The following ADAMTS3 variants were observed in gnomAD, a reference collection of about 807,000 sequenced individuals.
ADAMTS3 encodes the protein A disintegrin and metalloproteinase with thrombospondin motifs 3.
In ADAMTS3, 73 loss-of-function variants were observed where a neutral mutation model predicts 129.0. That is an observed-to-expected ratio of 0.57 (90% confidence interval 0.47 to 0.69). The LOEUF (loss-of-function observed/expected upper bound fraction) is 0.69, where lower values mean the gene tolerates loss of function less well. Among genes scored for constraint, ADAMTS3 ranks in the 30% least tolerant of loss-of-function variants. The pLI, the probability that ADAMTS3 is intolerant of heterozygous loss-of-function variation, is 0.00. For missense variants in ADAMTS3, 1,457 were observed against 1,514.5 expected, an observed-to-expected ratio of 0.96 and a Z score of 0.63; for synonymous variants, 477 against 510.8, an observed-to-expected ratio of 0.93 and a Z score of 0.89.
chr4:72,402,369 G>T (rs972711445), intron 4 of ADAMTS3, among the ~76,000 whole-genome samples: 2 of 152,126 alleles, frequency 1.3e-5, no homozygotes, highest in African/African-American at 4.8e-5. Context: ...TGATGAAAGA[G>T]CATATACTGA....
At chr4:72,421,709 G>C (rs562569394) in intron 3 of ADAMTS3, among the ~76,000 whole-genome samples, 4 of 152,296 alleles carry the variant, frequency 2.6e-5, no homozygotes, top group African/African-American at 9.6e-5. Context: ...AAAGACTTAA[G>C]TGTCAAAACC....
At chr4:72,491,094 GTTTTC>G (rs1719730746) in intron 3 of ADAMTS3, among the ~76,000 whole-genome samples, 1 of 151,674 alleles carries the variant, frequency 6.6e-6, no homozygotes, top group African/African-American at 2.4e-5. Context: ...GAATGAGATT[GTTTTC>G]TTAATTTTCT....
At chr4:72,331,326 A>T (rs1438172223) in intron 5 of ADAMTS3, among the ~76,000 whole-genome samples, 3 of 152,166 alleles carry the variant, frequency 2.0e-5, no homozygotes, top group African/African-American at 7.2e-5. Context: ...AAATTAAGAT[A>T]GCTTGTTGAG....
At chr4:72,483,171 A>G (rs1260948493) in intron 3 of ADAMTS3, among the ~76,000 whole-genome samples, 1 of 152,176 alleles carries the variant, frequency 6.6e-6, no homozygotes, top group Non-Finnish European at 1.5e-5. Flanking sequence ...GGCAAGAAAA[A>G]AAAGGCGTAC....
chr4:72,383,784 C>T (rs1721362642), intron 4 of ADAMTS3, among the ~76,000 whole-genome samples: 1 of 151,862 alleles, frequency 6.6e-6, no homozygotes, highest in East Asian at 1.9e-4. Flanking sequence ...AGAAACAATT[C>T]AAAATTAGAT....
intron 4 of ADAMTS3, among the ~76,000 whole-genome samples, chr4:72,351,775 G>T (rs149418081): frequency 2.9e-4 from 44 of 151,960 alleles, no homozygotes; most frequent in African/African-American, 1.0e-3. Flanking sequence ...ACAGTCCAAA[G>T]AACATGATTT....
At chr4:72,550,884 A>G (rs7657132) in intron 2 of ADAMTS3, among the ~76,000 whole-genome samples, 42,982 of 152,000 alleles carry the variant, frequency 0.28, 6,352 homozygotes, top group Middle Eastern at 0.34. Context: ...CAAAGTCCTT[A>G]AAGACAAAGA....
At chr4:72,530,302 ATAAT>A (rs1179176017) in intron 3 of ADAMTS3, among the ~76,000 whole-genome samples, 1 of 83,208 alleles carries the variant, frequency 1.2e-5, no homozygotes, top group African/African-American at 4.9e-5. Context: ...AATATATAAT[ATAAT>A]TATATATTAA....
intron 4 of ADAMTS3, among the ~76,000 whole-genome samples, chr4:72,396,397 T>A (rs946189653): frequency 4.6e-5 from 7 of 151,960 alleles, no homozygotes; most frequent in Non-Finnish European, 1.0e-4. Context: ...TATGACAAAG[T>A]ATGAAAATCA....
At chr4:72,383,007 G>T (rs1721334501) in intron 4 of ADAMTS3, among the ~76,000 whole-genome samples, 1 of 151,906 alleles carries the variant, frequency 6.6e-6, no homozygotes, top group Admixed American at 6.6e-5. Flanking sequence ...ACCTGCATAT[G>T]CACCCCCTGA....
intron 4 of ADAMTS3, among the ~76,000 whole-genome samples, chr4:72,374,661 T>C (rs1721093866): frequency 6.6e-6 from 1 of 152,232 alleles, no homozygotes; most frequent in African/African-American, 2.4e-5. Flanking sequence ...GGATTATTTA[T>C]TGCTATTTCA....
chr4:72,289,490 G>A (rs1481956745), intron 20 of ADAMTS3, among the ~76,000 whole-genome samples: 1 of 152,182 alleles, frequency 6.6e-6, no homozygotes, highest in African/African-American at 2.4e-5. Flanking sequence ...AAAGTTCCAT[G>A]TAATGGCCCT....
Position 72,455,948 on chromosome 4 carries a change from C to CTATATATATATTTTACATAT in ADAMTS3, c.505-40978_505-40977insATATGTAAAATATATATATA, listed in dbSNP as rs1560522185. Among the ~76,000 whole-genome samples, 2 of 73,878 alleles carry CTATATATATATTTTACATAT rather than the reference C, an allele frequency of 2.7e-5. 1 individual carries two copies. Among genetic ancestry groups the CTATATATATATTTTACATAT allele is most frequent in the African/African-American group, 1.2e-4 (2 of 16,040 alleles). The allele number at this position is 73,878 out of a possible 152,430, so 48.5% of individuals were successfully genotyped here. A position where few individuals can be genotyped will look rare whatever the true frequency, so the allele number is the denominator to read the frequency against. ...ATATATTTTATATATAGTATATATA[C>CTATATATATATTTTACATAT]AGTATATATACTATATATATTTTAC... is the stretch of plus-strand genomic sequence containing the variant. On this transcript the variant is annotated intron_variant, in intron 3 of 21. Coordinates refer to ENST00000286657, the MANE Select transcript of ADAMTS3 (RefSeq NM_014243.3).
chr4:72,550,086 A>G lies in ADAMTS3; in HGVS notation c.98-1202T>C, dbSNP rs140984808. ...GAGGAAGAGGAAGAGGAAGAGGAAG[A>G]AGAAGAAGAAGAAGAAGAAGAAGAA... On this transcript the variant is annotated intron_variant, in intron 2 of 21. Transcript: ENST00000286657. 7.2e-4 allele frequency among the ~76,000 whole-genome samples: 50 copies of G among 69,016 alleles called. 7 individuals are homozygous for G. The highest frequency in any genetic ancestry group is 1.8e-3 in the African/African-American group (36 of 20,562). 45.3% of individuals were successfully genotyped at this position (69,016 alleles called of 152,430 possible).
At chr4:72,529,398 T>C (rs879422334) in intron 3 of ADAMTS3, among the ~76,000 whole-genome samples, 2 of 151,946 alleles carry the variant, frequency 1.3e-5, no homozygotes, top group Admixed American at 6.6e-5. Flanking sequence ...AAATCTGTTT[T>C]AGCAAGGCTT....
At chr4:72,516,404 C>T (rs1306204163) in intron 3 of ADAMTS3, among the ~76,000 whole-genome samples, 4 of 151,928 alleles carry the variant, frequency 2.6e-5, no homozygotes, top group Admixed American at 6.6e-5. Context: ...GGGATGGCAC[C>T]AAATCTATAA....
intron 3 of ADAMTS3, among the ~76,000 whole-genome samples, chr4:72,526,799 G>C (rs1472733549): frequency 7.0e-6 from 1 of 143,382 alleles, no homozygotes; most frequent in Non-Finnish European, 1.5e-5. Flanking sequence ...GAGAGAGAGA[G>C]AGAGGAATCC....
chr4:72,421,464 G>A (rs538404818), intron 3 of ADAMTS3, among the ~76,000 whole-genome samples: 1 of 152,310 alleles, frequency 6.6e-6, no homozygotes, highest in African/African-American at 2.4e-5. Flanking sequence ...GTAAGTTATG[G>A]ACAGGTGAAA....
chr4:72,488,709 CAT>C (rs934760662), intron 3 of ADAMTS3, among the ~76,000 whole-genome samples: 4 of 151,896 alleles, frequency 2.6e-5, no homozygotes, highest in Non-Finnish European at 5.9e-5. Context: ...ATTTGATAGA[CAT>C]ATATATTTAT....
Sources: allele counts gnomAD v4.1 joint callset (sites outside exome capture counted in the v4.1 genomes callset), GRCh38; gene constraint gnomAD v4.1.1; transcripts MANE v1.5; gene names NCBI Gene and HGNC (gene_info 2026-07-23, HGNC 2026-07-21).